The following CCNJ variants were observed in gnomAD, a reference collection of about 807,000 sequenced individuals.
CCNJ encodes the protein cyclin-J.
Under a neutral mutation model 41.4 loss-of-function variants are expected in CCNJ, and 12 were observed. That is an observed-to-expected ratio of 0.29 (90% CI 0.19 to 0.47). CCNJ has a LOEUF of 0.47. Among genes scored for constraint, CCNJ ranks in the 20% least tolerant of loss-of-function variants. The probability of loss-of-function intolerance (pLI) is 1.00; values close to 1 mark genes in which losing one functional copy is unlikely to be tolerated. For synonymous variants in CCNJ, 161 were observed against 173.4 expected, an observed-to-expected ratio of 0.93 and a Z score of 0.56; for missense variants, 340 against 464.6, an observed-to-expected ratio of 0.73 and a Z score of 2.47.
Position 96,057,920 on chromosome 10 carries a change from C to T in CCNJ, c.831C>T (p.Ser277=), listed in dbSNP as rs2080738355. 1 of 1,614,078 alleles carries T rather than the reference C, an allele frequency of 6.2e-7. No individual in the cohort carries two copies. The highest frequency in any genetic ancestry group is 1.3e-5 in the African/African-American group (1 of 74,918). ...SAQLSVFQTA[S]QPSRPVHFQQ... is the part of the protein sequence containing the mutation. ...AACTAAGTGTATTCCAGACAGCCTC[C>T]CAGCCATCACGGCCAGTTCACTTTC... The change falls in exon 6 of 6, where the codon TCC becomes TCT. Residue 277 remains serine (S), a synonymous_variant. Transcript: ENST00000465148.
chr10:96,050,423 C>G lies in CCNJ; in HGVS notation c.237C>G (p.Ile79Met). 1.2e-6 allele frequency: 2 copies of G among 1,614,108 alleles called. No homozygotes were observed. The highest frequency in any genetic ancestry group is 1.7e-6 in the Non-Finnish European group (2 of 1,179,984). Residue 79 changes from isoleucine (I) to methionine (M), a missense_variant, in exon 3 of 6, where the codon ATC becomes ATG. Ile to Met is a conservative substitution (Grantham distance 10, BLOSUM62 1). Coordinates refer to ENST00000465148, the MANE Select transcript of CCNJ (RefSeq NM_001134375.2). ...DLFMDRYDISIQQLHLVALSC... is the reference protein window; with the variant it reads ...DLFMDRYDISMQQLHLVALSC... Reference sequence around the variant, plus strand: ...TTATGGACCGCTATGACATCTCTATCCAGCAGCTGCATTTAGTTGCGCTTT... The same window carrying G: ...TTATGGACCGCTATGACATCTCTATGCAGCAGCTGCATTTAGTTGCGCTTT...
intron 2 of CCNJ, among the ~76,000 whole-genome samples, chr10:96,049,989 T>C (rs977570464): frequency 2.0e-5 from 3 of 152,160 alleles, no homozygotes; most frequent in African/African-American, 7.2e-5. Flanking sequence ...TTAAAAATCT[T>C]TGTAGGATGT....
intron 3 of CCNJ, among the ~76,000 whole-genome samples, chr10:96,053,856 T>C (rs2080601297): frequency 6.6e-6 from 1 of 152,212 alleles, no homozygotes; most frequent in Non-Finnish European, 1.5e-5. Flanking sequence ...TTCTATGAAT[T>C]ACCTTTTTCT....
chr10:96,050,986 A>C (rs1430037393), intron 3 of CCNJ, among the ~76,000 whole-genome samples: 1 of 152,220 alleles, frequency 6.6e-6, no homozygotes, highest in Non-Finnish European at 1.5e-5. Flanking sequence ...TCCCATAACA[A>C]AATTCTCTGT....
chr10:96,046,841 T>C (rs192532673), intron 2 of CCNJ, among the ~76,000 whole-genome samples: 175 of 152,314 alleles, frequency 1.1e-3, no homozygotes, highest in African/African-American at 4.0e-3. Flanking sequence ...TTTTGCTGTG[T>C]ATAGTTAGTG....
rs748195698 is a variant in CCNJ, at chr10:96,056,967, T to C, written c.547T>C (p.Tyr183His). The part of the protein sequence containing the change: ...LEKTKLYMAK[Y>H]ADYFLEVSLQ... Reference sequence around the variant, plus strand: ...AAAGACTAAACTCTACATGGCCAAATATGCAGATTACTTCCTGGAAGTATC... The same window carrying C: ...AAAGACTAAACTCTACATGGCCAAACATGCAGATTACTTCCTGGAAGTATC... The change falls in exon 4 of 6, where the codon TAT (tyrosine) becomes CAT (histidine). Residue 183 changes from tyrosine (Y) to histidine (H), a missense_variant. Physicochemically the swap from Tyr to His is moderately conservative, Grantham distance 83. Around this residue, in one of 3 missense-constraint regions of CCNJ, gnomAD observed 137 missense variants for 252.9 expected, o/e 0.54. Transcript: ENST00000465148. 2 of 1,614,020 alleles carry C rather than the reference T, an allele frequency of 1.2e-6. No individual in the cohort carries two copies. The highest frequency in any genetic ancestry group is 1.7e-6 in the Non-Finnish European group (2 of 1,179,946).
At chr10:96,043,100 C>G (rs2080260399), upstream of CCNJ, among the ~76,000 whole-genome samples, 1 of 152,156 alleles carries the variant, frequency 6.6e-6, no homozygotes, top group Non-Finnish European at 1.5e-5. Flanking sequence ...CACGGAGCAG[C>G]CCCTGGGATG....
intron 5 of CCNJ, 121 bp from the exon 6 acceptor site, chr10:96,057,709 G>A: frequency 1.2e-6 from 1 of 820,114 alleles, no homozygotes. Flanking sequence ...TTATGGTGCA[G>A]TGACTGCTAC....
chr10:96,050,044 C>T (rs532713323), intron 2 of CCNJ, among the ~76,000 whole-genome samples: 3 of 152,296 alleles, frequency 2.0e-5, no homozygotes, highest in Non-Finnish European at 2.9e-5. Flanking sequence ...TAATTGTTCA[C>T]ATCAGAAGTG....
At chr10:96,055,852 G>T (rs1304076985) in intron 3 of CCNJ, among the ~76,000 whole-genome samples, 1 of 152,150 alleles carries the variant, frequency 6.6e-6, no homozygotes, top group East Asian at 1.9e-4. Context: ...AGAAGTGGGG[G>T]ATGGGGCTTT....
rs1380907347 is a variant in CCNJ, at chr10:96,057,163, T to C, written c.656T>C (p.Leu219Pro). 6.2e-7 allele frequency: 1 copy of C among 1,614,116 alleles called. No homozygotes were observed. The highest frequency in any genetic ancestry group is 8.5e-7 in the Non-Finnish European group (1 of 1,179,928). Residue 219 changes from leucine to proline, a missense_variant, in exon 5 of 6, where the codon CTT becomes CCT. Leu to Pro is a moderately conservative substitution (Grantham distance 98). Around this residue, in one of 3 missense-constraint regions of CCNJ, gnomAD observed 137 missense variants for 252.9 expected, o/e 0.54. Transcript: ENST00000465148. ...GCTTCTTCGAGGATTATACTTCGTC[T>C]TTCTCCAACGTGGCCTACAAGACTA... is the stretch of plus-strand genomic sequence containing the variant. ...CVASSRIILR[L>P]SPTWPTRLHR... is the part of the protein sequence containing the mutation.
intron 5 of CCNJ, 33 bp downstream of exon 5, chr10:96,057,280 T>C: frequency 6.3e-7 from 1 of 1,586,740 alleles, no homozygotes; most frequent in South Asian, 1.1e-5. Flanking sequence ...TTGTACTTTC[T>C]CATTAACAGT....
intron 3 of CCNJ, among the ~76,000 whole-genome samples, chr10:96,054,051 A>G (rs1379550667): frequency 2.0e-5 from 3 of 152,150 alleles, no homozygotes; most frequent in African/African-American, 7.2e-5. Context: ...CATACCTACT[A>G]TTCACTGCTG....
chr10:96,056,158 A>C (rs1591018223), intron 3 of CCNJ, among the ~76,000 whole-genome samples: 1 of 152,204 alleles, frequency 6.6e-6, no homozygotes, highest in Non-Finnish European at 1.5e-5. Flanking sequence ...AAATACAAAA[A>C]ATTAGCCAGG....
chr10:96,050,531 G>A, intron 3 of CCNJ, 65 bp downstream of exon 3: 1 of 1,177,334 alleles, frequency 8.5e-7, no homozygotes, highest in Non-Finnish European at 1.2e-6. Flanking sequence ...ATAAATTTAT[G>A]TAGAACTCAG....
rs776840389 is a variant in CCNJ, at chr10:96,057,263, C to T, written c.740+16C>T. ...GACTGTTGATGTAAGCCTTTTTATT[C>T]TTGTGTTTGTACTTTCTCATTAACA... On this transcript the variant is annotated intron_variant, in intron 5 of 5. Coordinates refer to ENST00000465148, the MANE Select transcript of CCNJ (RefSeq NM_001134375.2). The T allele has an allele frequency of 3.1e-6, 5 of 1,607,822 alleles. No homozygotes were observed. In the African/African-American group the frequency reaches 5.4e-5, roughly 17 times the overall value.
At chr10:96,051,415 A>G (rs1184193696) in intron 3 of CCNJ, among the ~76,000 whole-genome samples, 2 of 152,214 alleles carry the variant, frequency 1.3e-5, no homozygotes, top group Non-Finnish European at 2.9e-5. Context: ...TGTTATTACA[A>G]TGAAATTTAT....
chr10:96,053,191 T>TCTCTGATTGGAGAGCTAGGTGTAG (rs2080578858), intron 3 of CCNJ, among the ~76,000 whole-genome samples: 1 of 151,048 alleles, frequency 6.6e-6, no homozygotes, highest in South Asian at 2.1e-4. Context: ...CTACAGATTA[T>TCTCTGATTGGAGAGCTAGGTGTAG]CTCTGATTGG....
In CCNJ at chr10:96,048,247, A is replaced by G. The variant is rs145030851; in HGVS notation, c.70-2009A>G. On this transcript the variant is annotated intron_variant, in intron 2 of 5. Coordinates refer to ENST00000465148, the MANE Select transcript of CCNJ (RefSeq NM_001134375.2). ...GTGAATAGTGCTTCAGTGAACATAC[A>G]CATGCATGTGTCTTTATAGTAGAAT... 7.8e-3 allele frequency among the ~76,000 whole-genome samples: 1,189 copies of G among 152,204 alleles called. 15 individuals are homozygous for G. Among genetic ancestry groups the G allele is most frequent in the African/African-American group, 0.026 (1,070 of 41,504 alleles).
Sources: allele counts gnomAD v4.1 joint callset (sites outside exome capture counted in the v4.1 genomes callset), GRCh38; gene constraint gnomAD v4.1.1; regional missense constraint gnomAD v4.1.1; transcripts MANE v1.5; gene names NCBI Gene and HGNC (gene_info 2026-07-23, HGNC 2026-07-21).